Variants in NCKAP5 observed in about 807,000 individuals in gnomAD.
The protein encoded by NCKAP5 is nck-associated protein 5.
NCKAP5 carries 92 observed loss-of-function variants against 167.0 expected under a neutral mutation model. That is an observed-to-expected ratio of 0.55 (90% CI 0.47 to 0.66). The LOEUF (loss-of-function observed/expected upper bound fraction) is 0.66. Ranked by LOEUF, NCKAP5 falls within the 30% of genes least tolerant of loss-of-function variation. The pLI is 0.00. For missense variants in NCKAP5, 2,378 were observed against 2,315.0 expected (o/e 1.03, Z -0.56); for synonymous variants, 891 against 877.4 (o/e 1.02, Z -0.27).
At chr2:133,462,302 G>A (rs1252454443) in intron 3 of NCKAP5, among the ~76,000 whole-genome samples, 1 of 152,082 alleles carries the variant, frequency 6.6e-6, no homozygotes, top group Non-Finnish European at 1.5e-5. Flanking sequence ...TTGTCAGAGT[G>A]GAGCCATAAT....
At chr2:133,372,994 T>C (rs1685898937) in intron 3 of NCKAP5, among the ~76,000 whole-genome samples, 3 of 152,236 alleles carry the variant, frequency 2.0e-5, no homozygotes, top group Non-Finnish European at 4.4e-5. Context: ...GAGGTGATTC[T>C]AATGCAAACT....
rs1014733026 is a variant in NCKAP5 at position 133,181,332 on chromosome 2, A to G, written c.207+32384T>C. Among the ~76,000 whole-genome samples the G allele has an allele frequency of 3.7e-4, 56 of 152,174 alleles. 1 individual carries two copies. The highest frequency in any genetic ancestry group is 1.3e-3 in the African/African-American group (54 of 41,534). On this transcript the variant is annotated intron_variant, in intron 5 of 19. Coordinates refer to ENST00000409261, the MANE Select transcript of NCKAP5 (RefSeq NM_207363.3). ...CTAGAAAAGCTACATAAACCGATACACTAAAAAATACTCTAAATACATCAA... is the reference window on the plus strand; with the variant it reads ...CTAGAAAAGCTACATAAACCGATACGCTAAAAAATACTCTAAATACATCAA...
intron 8 of NCKAP5, among the ~76,000 whole-genome samples, chr2:132,907,428 AG>A (rs1694083318): frequency 6.6e-6 from 1 of 152,234 alleles, no homozygotes; most frequent in South Asian, 2.1e-4. Flanking sequence ...CTTTAAGTTT[AG>A]CCCAGAGGGC....
chr2:133,518,344 A>ATTTTTTTTTTTTTTT (rs751025050), intron 2 of NCKAP5, among the ~76,000 whole-genome samples: 3 of 74,616 alleles, frequency 4.0e-5, no homozygotes, highest in Non-Finnish European at 7.3e-5. Flanking sequence ...ACAGTAAAGG[A>ATTTTTTTTTTTTTTT]TTTTTTTTTT....
chr2:133,175,696 A>C (rs567783250), intron 5 of NCKAP5, among the ~76,000 whole-genome samples: 56 of 152,304 alleles, frequency 3.7e-4, no homozygotes, highest in Non-Finnish European at 6.5e-4. Flanking sequence ...TTATAATCCT[A>C]TCTCTTCTGT....
In NCKAP5 at chr2:133,322,050, A is replaced by T. The variant is rs552676608; in HGVS notation, c.70-18940T>A. 4.6e-4 allele frequency among the ~76,000 whole-genome samples: 70 copies of T among 152,350 alleles called. 1 individual carries two copies. Among genetic ancestry groups the T allele is most frequent in the African/African-American group, 1.6e-3 (68 of 41,578 alleles). On this transcript the variant is annotated intron_variant, in intron 3 of 19. Transcript: ENST00000409261. ...CATTTTTCTAGTTTTTATACATTTC[A>T]TACTTCGTCTCATAAGTCATTCTGT...
At chr2:133,648,534 T>C in the NCKAP5 span, among the ~76,000 whole-genome samples, 8 of 152,130 alleles carry the variant, frequency 5.3e-5, no homozygotes, top group Non-Finnish European at 8.8e-5. Flanking sequence ...CTAATTTATA[T>C]AGACTGAAGT....
In NCKAP5 at chr2:133,463,524, T is replaced by C. The variant is rs377636973; in HGVS notation, c.69+53934A>G. Among the ~76,000 whole-genome samples, 5 of 152,332 alleles carry C rather than the reference T, an allele frequency of 3.3e-5. No homozygotes were observed. The East Asian group carries it at 7.7e-4, about 23-fold the overall frequency. ...AGCAAATAGTTGGGAACAACTGCCA[T>C]GGAATATGTAATCATTGAAGGCATG... On this transcript the variant is annotated intron_variant, in intron 3 of 19. Coordinates refer to ENST00000409261, the MANE Select transcript of NCKAP5 (RefSeq NM_207363.3).
chr2:132,878,881 A>G lies in NCKAP5; in HGVS notation c.615T>C (p.Asn205=). 6.2e-7 allele frequency: 1 copy of G among 1,613,760 alleles called. No individual in the cohort carries two copies. Among genetic ancestry groups the G allele is most frequent in the African/African-American group, 1.3e-5 (1 of 75,006 alleles). Residue 205 remains asparagine, a synonymous_variant, in exon 9 of 20, where the codon AAT becomes AAC. Coordinates refer to ENST00000409261, the MANE Select transcript of NCKAP5 (RefSeq NM_207363.3). ...ENSALALENE[N]QREQYERCLD... is the part of the protein sequence containing the mutation. ...GACATCGCTCATATTGTTCCCTTTGATTTTCATTCTCCAAAGCCAACGCTG... is the reference window on the plus strand; with the variant it reads ...GACATCGCTCATATTGTTCCCTTTGGTTTTCATTCTCCAAAGCCAACGCTG...
At chr2:133,200,392 A>G (rs890033492) in intron 5 of NCKAP5, among the ~76,000 whole-genome samples, 8 of 152,090 alleles carry the variant, frequency 5.3e-5, no homozygotes, top group African/African-American at 1.9e-4. Flanking sequence ...TCTTTTCAAC[A>G]AATGATGCTA....
chr2:133,566,364 G>A (rs777513510), intron 1 of NCKAP5, among the ~76,000 whole-genome samples: 1 of 152,210 alleles, frequency 6.6e-6, no homozygotes, highest in Non-Finnish European at 1.5e-5. Flanking sequence ...CCTGTACCCA[G>A]TGCAAAATGC....
chr2:133,666,213 T>C, the NCKAP5 span, among the ~76,000 whole-genome samples: 33 of 149,412 alleles, frequency 2.2e-4, no homozygotes, highest in Non-Finnish European at 1.3e-4. Flanking sequence ...TTTTTTGTTG[T>C]TGAGACTGAG....
At chr2:133,617,461 G>C in the NCKAP5 span, among the ~76,000 whole-genome samples, 3 of 144,620 alleles carry the variant, frequency 2.1e-5, no homozygotes, top group Admixed American at 7.0e-5. Flanking sequence ...AAAGTCTCAG[G>C]ATACAAAATC....
chr2:132,806,019 A>T (rs1685406166), intron 11 of NCKAP5, among the ~76,000 whole-genome samples: 3 of 152,118 alleles, frequency 2.0e-5, no homozygotes. Context: ...CAGTGAGAAC[A>T]TAGGATATTT....
intron 12 of NCKAP5, among the ~76,000 whole-genome samples, chr2:132,794,329 AAG>A (rs1381314716): frequency 6.5e-5 from 3 of 46,456 alleles, no homozygotes; most frequent in Non-Finnish European, 1.5e-4. Flanking sequence ...GAGAGAGAGA[AAG>A]AGAGAGAGAC....
chr2:133,045,498 A>C (rs2079366348), intron 6 of NCKAP5, among the ~76,000 whole-genome samples: 2 of 152,154 alleles, frequency 1.3e-5, no homozygotes, highest in South Asian at 4.1e-4. Flanking sequence ...TTCTATTTGT[A>C]ATATTCCATT....
rs191026161 is a variant in NCKAP5, at chr2:132,671,811, A to G, written c.*1478T>C. The G allele has an allele frequency of 6.5e-6, 1 of 152,806 alleles. No homozygotes were observed. The highest frequency in any genetic ancestry group is 6.5e-5 in the Admixed American group (1 of 15,306). 9.5% of individuals were successfully genotyped at this position (152,806 alleles called of 1,614,324 possible). On this transcript the variant is annotated 3_prime_UTR_variant, in exon 20 of 20. Coordinates refer to ENST00000409261, the MANE Select transcript of NCKAP5 (RefSeq NM_207363.3). ...TGTTTTCAGAGGGTGCAAATGTGAT[A>G]TAACTTTTATTCAGAAAGGAAACAA...
intron 3 of NCKAP5, among the ~76,000 whole-genome samples, chr2:133,481,004 C>CA (rs1434454332): frequency 6.6e-6 from 1 of 152,074 alleles, no homozygotes. Flanking sequence ...TTCTTGCCAC[C>CA]AAAAAACCCG....
chr2:132,766,569 A>G (rs1681511895), intron 16 of NCKAP5, among the ~76,000 whole-genome samples: 1 of 152,190 alleles, frequency 6.6e-6, no homozygotes. Context: ...GGATCCACAT[A>G]TGGATAACTA....
Sources: allele counts gnomAD v4.1 joint callset (sites outside exome capture counted in the v4.1 genomes callset), GRCh38; gene constraint gnomAD v4.1.1; transcripts MANE v1.5; gene names NCBI Gene and HGNC (gene_info 2026-07-23, HGNC 2026-07-21).